The following NDUFAF2 variants were observed in gnomAD, a reference collection of about 807,000 sequenced individuals.
The protein encoded by NDUFAF2 is NADH dehydrogenase [ubiquinone] 1 alpha subcomplex assembly factor 2.
In NDUFAF2, 13 loss-of-function variants were observed where a neutral mutation model predicts 22.8. The ratio of observed to expected loss-of-function variants is 0.57; its 90% CI spans 0.37 to 0.91. The LOEUF is 0.91. Among genes scored for constraint, NDUFAF2 ranks in the 40% least tolerant of loss-of-function variants. The pLI, the probability that NDUFAF2 is intolerant of heterozygous loss-of-function variation, is 0.01. For missense variants in NDUFAF2, 162 were observed against 195.2 expected (o/e 0.83, Z 1.01); for synonymous variants, 53 against 64.2 (o/e 0.83, Z 0.84).
At chr5:61,059,781 C>T (rs994041637) in intron 1 of NDUFAF2, among the ~76,000 whole-genome samples, 9 of 151,912 alleles carry the variant, frequency 5.9e-5, no homozygotes, top group African/African-American at 2.2e-4. Flanking sequence ...TCTATAATTG[C>T]TTTAAAAATA....
At chr5:61,073,665 A>G (rs1215813363) in intron 2 of NDUFAF2, among the ~76,000 whole-genome samples, 3 of 152,196 alleles carry the variant, frequency 2.0e-5, no homozygotes, top group Non-Finnish European at 4.4e-5. Context: ...TATTTTTTCA[A>G]CTCACAATAA....
At chr5:61,014,008 AC>A (rs1392359694) in intron 1 of NDUFAF2, among the ~76,000 whole-genome samples, 3 of 152,128 alleles carry the variant, frequency 2.0e-5, no homozygotes, top group Non-Finnish European at 2.9e-5. Flanking sequence ...AGCTCCTAAA[AC>A]CCTTGGAATC....
intron 1 of NDUFAF2, among the ~76,000 whole-genome samples, chr5:60,992,470 T>C (rs1751173405): frequency 1.3e-5 from 2 of 152,178 alleles, no homozygotes; most frequent in African/African-American, 4.8e-5. Flanking sequence ...TCCATTTTGA[T>C]TTGATTTTTA....
chr5:60,976,831 G>C (rs541497033), intron 1 of NDUFAF2, among the ~76,000 whole-genome samples: 1 of 152,078 alleles, frequency 6.6e-6, no homozygotes, highest in Non-Finnish European at 1.5e-5. Flanking sequence ...TGCCTATGTG[G>C]TATTTAGGGA....
chr5:60,948,415 T>C (rs1484593726), intron 1 of NDUFAF2, among the ~76,000 whole-genome samples: 2 of 152,238 alleles, frequency 1.3e-5, no homozygotes, highest in African/African-American at 4.8e-5. Context: ...GGTTTCACCA[T>C]GTTGGTTAGG....
intron 1 of NDUFAF2, among the ~76,000 whole-genome samples, chr5:60,949,289 T>C (rs75220243): frequency 0.024 from 3,655 of 152,302 alleles, 62 homozygotes; most frequent in Non-Finnish European, 0.037. Context: ...CTGTCCCACA[T>C]GTATACTTAT....
chr5:61,120,647 C>T (rs1752964098), intron 3 of NDUFAF2, among the ~76,000 whole-genome samples: 1 of 152,052 alleles, frequency 6.6e-6, no homozygotes. Flanking sequence ...TTTAGATATA[C>T]TCCTGCTCAC....
rs551188726 is a variant in NDUFAF2, at chr5:61,129,121, G to T, written c.259-23583G>T. ...ATATTATCACACCAGTTAGAATGGC[G>T]ATCATTAAAAAGTCAGGAAACAACA... On this transcript the variant is annotated intron_variant, in intron 3 of 3. Transcript: ENST00000296597. Among the ~76,000 whole-genome samples the T allele has an allele frequency of 3.9e-5, 6 of 152,196 alleles. No individual in the cohort carries two copies. In the South Asian group the frequency reaches 1.0e-3, roughly 26 times the overall value.
At chr5:61,138,266 TA>T (rs1045836599) in intron 3 of NDUFAF2, among the ~76,000 whole-genome samples, 4 of 78,306 alleles carry the variant, frequency 5.1e-5, no homozygotes, top group Non-Finnish European at 7.9e-5. Flanking sequence ...GGAGACTTAT[TA>T]GGAGTCCAAG....
intron 1 of NDUFAF2, among the ~76,000 whole-genome samples, chr5:60,961,305 C>T (rs1750680866): frequency 6.7e-6 from 1 of 149,728 alleles, no homozygotes; most frequent in South Asian, 2.1e-4. Context: ...ATTAAAAATA[C>T]AAAAATTAGG....
chr5:61,109,385 T>A (rs1220621533), intron 3 of NDUFAF2, among the ~76,000 whole-genome samples: 2 of 152,212 alleles, frequency 1.3e-5, no homozygotes, highest in African/African-American at 4.8e-5. Flanking sequence ...CAAGATTATA[T>A]TGCCTACAAA....
At chr5:60,950,830 T>G (rs1580063360) in intron 1 of NDUFAF2, among the ~76,000 whole-genome samples, 1 of 152,094 alleles carries the variant, frequency 6.6e-6, no homozygotes, top group Non-Finnish European at 1.5e-5. Flanking sequence ...CATTAATGTG[T>G]CCTCACTTCC....
chr5:60,946,266 A>C (rs1750452660), intron 1 of NDUFAF2, among the ~76,000 whole-genome samples: 1 of 152,154 alleles, frequency 6.6e-6, no homozygotes, highest in Non-Finnish European at 1.5e-5. Context: ...GGAATCACGG[A>C]AAAAGTACTT....
intron 3 of NDUFAF2, among the ~76,000 whole-genome samples, chr5:61,142,290 A>G (rs925072925): frequency 6.6e-6 from 1 of 152,126 alleles, no homozygotes; most frequent in Non-Finnish European, 1.5e-5. Context: ...CACCTGAAAA[A>G]CTGTTAATGA....
At chr5:61,002,941 A>T (rs1450092079) in intron 1 of NDUFAF2, among the ~76,000 whole-genome samples, 2 of 152,144 alleles carry the variant, frequency 1.3e-5, no homozygotes, top group African/African-American at 4.8e-5. Flanking sequence ...TTGAGATTTA[A>T]CAAGAGAGGA....
intron 1 of NDUFAF2, among the ~76,000 whole-genome samples, chr5:61,047,414 G>GA (rs952944933): frequency 9.6e-5 from 14 of 145,212 alleles, no homozygotes; most frequent in South Asian, 2.1e-4. Flanking sequence ...GCCTTGCAGA[G>GA]AAAAAAAAAA....
chr5:60,954,523 G>A (rs113940221), intron 1 of NDUFAF2, among the ~76,000 whole-genome samples: 1,635 of 152,090 alleles, frequency 0.011, 29 homozygotes, highest in African/African-American at 0.025. Context: ...TAACTTGAGC[G>A]TAACTGTTCT....
At chr5:61,033,720 T>C (rs1751757330) in intron 1 of NDUFAF2, among the ~76,000 whole-genome samples, 1 of 152,072 alleles carries the variant, frequency 6.6e-6, no homozygotes, top group Non-Finnish European at 1.5e-5. Flanking sequence ...AGTGTTTTGG[T>C]TCAAATATAT....
intron 3 of NDUFAF2, among the ~76,000 whole-genome samples, chr5:61,109,757 C>T (rs1235693956): frequency 1.3e-5 from 2 of 152,136 alleles, no homozygotes; most frequent in Non-Finnish European, 2.9e-5. Flanking sequence ...CTGACACACA[C>T]CCTCTCTTGC....
Sources: gnomAD v4.1 joint callset for allele counts (sites outside exome capture counted in the v4.1 genomes callset) on GRCh38, gnomAD v4.1.1 for gene constraint, MANE v1.5 for transcripts, NCBI Gene and HGNC (gene_info 2026-07-23, HGNC 2026-07-21) for gene names.